SYNE2: variants seen among roughly 807,000 people sequenced by gnomAD.
The protein encoded by SYNE2 is spectrin repeat containing nuclear envelope protein 2.
A neutral mutation model predicts 856.3 loss-of-function variants in SYNE2; 431 were observed. That is an observed-to-expected ratio of 0.50 (90% confidence interval 0.47 to 0.55). The LOEUF is 0.55. Among genes scored for constraint, SYNE2 ranks in the 20% least tolerant of loss-of-function variants. The pLI, the probability that SYNE2 is intolerant of heterozygous loss-of-function variation, is 0.00. For missense variants in SYNE2, 8,129 were observed against 8,023.2 expected (o/e 1.01, Z -0.50); for synonymous variants, 2,923 against 2,872.3 (o/e 1.02, Z -0.56).
chr14:63,919,746 C>T (rs1308748140), intron 2 of SYNE2, among the ~76,000 whole-genome samples: 1 of 152,122 alleles, frequency 6.6e-6, no homozygotes, highest in East Asian at 1.9e-4. Context: ...AAATGCCACA[C>T]AGCAGTCAAG....
intron 7 of SYNE2, among the ~76,000 whole-genome samples, chr14:63,951,678 A>G (rs773836765): frequency 6.6e-6 from 1 of 152,224 alleles, no homozygotes; most frequent in Non-Finnish European, 1.5e-5. Context: ...CCTTATATAG[A>G]GGTTTAAAGT....
intron 64 of SYNE2, among the ~76,000 whole-genome samples, chr14:64,102,892 G>A (rs200605029): frequency 1.3e-5 from 2 of 152,060 alleles, no homozygotes; most frequent in East Asian, 3.9e-4. Flanking sequence ...ATGTAAGTGA[G>A]ATCATACAGT....
At chr14:64,151,001 A>G (rs2098236830) in intron 84 of SYNE2, among the ~76,000 whole-genome samples, 1 of 152,180 alleles carries the variant, frequency 6.6e-6, no homozygotes, top group Non-Finnish European at 1.5e-5. Context: ...TACGACAGTG[A>G]GAGGTTTTCT....
intron 112 of SYNE2, 73 bp from the exon 113 acceptor site, chr14:64,223,114 TGA>T: frequency 6.5e-7 from 1 of 1,532,450 alleles, no homozygotes; most frequent in Non-Finnish European, 8.9e-7. Flanking sequence ...TTTCTGGTAC[TGA>T]GAAAAACCTC....
chr14:64,085,119 C>G, intron 57 of SYNE2: 1 of 662,414 alleles, frequency 1.5e-6, no homozygotes, highest in Non-Finnish European at 2.7e-6. Context: ...GTCACCCAGG[C>G]TGGAGTGCAG....
chr14:63,788,014 C>G (rs1427524233), intron 1 of SYNE2, among the ~76,000 whole-genome samples: 4 of 152,228 alleles, frequency 2.6e-5, no homozygotes, highest in Non-Finnish European at 5.9e-5. Flanking sequence ...CTCAGCGCCC[C>G]CTTGGCTTCC....
chr14:64,083,404 T>TAA (rs397941557), intron 57 of SYNE2, among the ~76,000 whole-genome samples: 4,820 of 145,646 alleles, frequency 0.033, 103 homozygotes, highest in Admixed American at 0.065. Context: ...TATTATGAGT[T>TAA]AAAAAAAAAA....
Position 63,964,748 on chromosome 14 carries a change from T to C in SYNE2, c.990+748T>C, listed in dbSNP as rs187198075. Among the ~76,000 whole-genome samples the C allele has an allele frequency of 4.4e-3, 675 of 152,048 alleles. 4 individuals carry two copies. The highest frequency in any genetic ancestry group is 0.016 in the African/African-American group (647 of 41,490). ...CATGTTGGTCAGGCTGGTCTCGAAC[T>C]CCTGACCTCAGGTGATTCACCTGCC... On this transcript the variant is annotated intron_variant, in intron 10 of 115. Coordinates refer to ENST00000555002, the MANE Select transcript of SYNE2 (RefSeq NM_182914.3).
At chr14:63,836,623 A>G (rs1889866748) in intron 1 of SYNE2, among the ~76,000 whole-genome samples, 1 of 152,190 alleles carries the variant, frequency 6.6e-6, no homozygotes, top group Non-Finnish European at 1.5e-5. Flanking sequence ...TTCAAAATAT[A>G]GCCAGAGTTC....
chr14:64,066,325 C>T (rs1380209760), intron 51 of SYNE2, among the ~76,000 whole-genome samples: 1 of 151,890 alleles, frequency 6.6e-6, no homozygotes, highest in Non-Finnish European at 1.5e-5. Context: ...TGGAGTGAAC[C>T]CCATCTCTAC....
At chr14:63,802,671 G>A (rs1015306046) in intron 1 of SYNE2, among the ~76,000 whole-genome samples, 2 of 152,164 alleles carry the variant, frequency 1.3e-5, no homozygotes, top group African/African-American at 4.8e-5. Flanking sequence ...GCAGACCCTC[G>A]CGGTGAGAAT....
chr14:63,889,143 G>C (rs2095067836), intron 1 of SYNE2, among the ~76,000 whole-genome samples: 1 of 148,440 alleles, frequency 6.7e-6, no homozygotes, highest in African/African-American at 2.5e-5. Flanking sequence ...GTGAAGCTAT[G>C]GGTATAGTTT....
chr14:63,898,867 TATAAC>T (rs1262165561), intron 1 of SYNE2, among the ~76,000 whole-genome samples: 2 of 152,256 alleles, frequency 1.3e-5, no homozygotes, highest in East Asian at 3.8e-4. Context: ...TCAATATACA[TATAAC>T]ATAAAGTTTA....
At chr14:64,184,573 C>G (rs1305375006) in intron 96 of SYNE2, among the ~76,000 whole-genome samples, 1 of 152,150 alleles carries the variant, frequency 6.6e-6, no homozygotes. Flanking sequence ...CTTCCTGCCA[C>G]CTGACTGGGA....
intron 45 of SYNE2, among the ~76,000 whole-genome samples, chr14:64,038,562 G>A (rs892712528): frequency 2.0e-5 from 3 of 152,360 alleles, no homozygotes; most frequent in South Asian, 4.1e-4. Flanking sequence ...ATTGAGCACC[G>A]AGTGAACTAG....
chr14:64,110,345 C>G (rs770717184), intron 65 of SYNE2, among the ~76,000 whole-genome samples: 56 of 152,084 alleles, frequency 3.7e-4, no homozygotes, highest in Non-Finnish European at 6.2e-4. Context: ...CAATGTGATT[C>G]ACCAACTGAA....
At chr14:64,203,045 T>G (rs1490619169) in intron 100 of SYNE2, 82 bp downstream of exon 100, 1 of 1,538,814 alleles carries the variant, frequency 6.5e-7, no homozygotes, top group Admixed American at 1.8e-5. Flanking sequence ...TATATCTATG[T>G]GTTTTCACGT....
chr14:64,109,326 T>C (rs2097790615), intron 65 of SYNE2, among the ~76,000 whole-genome samples: 1 of 151,550 alleles, frequency 6.6e-6, no homozygotes. Context: ...TTACTGAACA[T>C]TTAATATGGG....
chr14:63,778,959 C>G (rs1051383027), intron 1 of SYNE2, among the ~76,000 whole-genome samples: 7 of 151,312 alleles, frequency 4.6e-5, no homozygotes, highest in Non-Finnish European at 8.8e-5. Context: ...TGTGCCCAGC[C>G]TATAAGCACA....
Sources: gnomAD v4.1 joint callset for allele counts (sites outside exome capture counted in the v4.1 genomes callset) on GRCh38, gnomAD v4.1.1 for gene constraint, MANE v1.5 for transcripts, NCBI Gene and HGNC (gene_info 2026-07-23, HGNC 2026-07-21) for gene names.